YPEL1: variants seen among roughly 807,000 people sequenced by gnomAD.
YPEL1 encodes the protein yippee like 1.
In YPEL1, 7 loss-of-function variants were observed where a neutral mutation model predicts 17.3. The ratio of observed to expected loss-of-function variants is 0.40; its 90% CI spans 0.23 to 0.76. The LOEUF is 0.76. Ranked by LOEUF, YPEL1 falls within the 30% of genes least tolerant of loss-of-function variation. The pLI is 0.35. For missense variants in YPEL1, 91 were observed against 155.5 expected (o/e 0.59, Z 2.21); for synonymous variants, 59 against 59.6 (o/e 0.99, Z 0.05).
At chr22:21,721,127 TG>T (rs369488931) in intron 1 of YPEL1, among the ~76,000 whole-genome samples, 109 of 143,978 alleles carry the variant, frequency 7.6e-4, no homozygotes, top group Non-Finnish European at 1.0e-3. Context: ...TTGGGTTTTT[TG>T]GGGGGGGGAG....
rs543651461 is a variant in YPEL1 at position 21,716,185 on chromosome 22, A to G, written c.-164-5277T>C. 2.0e-4 allele frequency among the ~76,000 whole-genome samples: 31 copies of G among 152,358 alleles called. No individual in the cohort carries two copies. The East Asian group carries it at 5.8e-3, about 28-fold the overall frequency. ...CGGCTTCCCAGAGTGCTGGGATTAC[A>G]GGAGTGAGCCACCGCGCCCAGACTA... On this transcript the variant is annotated intron_variant, in intron 1 of 4. Transcript: ENST00000339468.
intron 1 of YPEL1, among the ~76,000 whole-genome samples, chr22:21,734,696 C>G (rs556788098): frequency 1.3e-5 from 2 of 152,108 alleles, no homozygotes; most frequent in Non-Finnish European, 2.9e-5. Context: ...AAAATGACAT[C>G]AGGATTAAGC....
chr22:21,703,876 G>A lies in YPEL1; in HGVS notation c.124C>T (p.Gln42Ter). 3 of 1,600,430 alleles carry A rather than the reference G, an allele frequency of 1.9e-6. No homozygotes were observed. Among genetic ancestry groups the A allele is most frequent in the Non-Finnish European group, 2.6e-6 (3 of 1,173,614 alleles). The change falls in exon 3 of 5, where the codon CAG (glutamine) becomes TAG (stop). Residue 42 changes from glutamine (Q) to a stop codon, truncating the protein, a stop_gained. Transcript: ENST00000339468. LOFTEE classifies it high-confidence loss of function. The surrounding 1 kb of genome is among the most constrained non-coding windows in gnomAD (Gnocchi z 6.1). ...AGGTAGGCGCGTCCCTGGCTCCCCT[G>A]AAAGGACTGAAAGAAGAAGGTCCCG... ...NHDELISKSF[Q>*]GSQGRAYLFN...
At chr22:21,715,788 A>G (rs1601633251) in intron 1 of YPEL1, among the ~76,000 whole-genome samples, 1 of 81,534 alleles carries the variant, frequency 1.2e-5, no homozygotes, top group African/African-American at 4.1e-5. Context: ...TTTGAGACAG[A>G]GTTTCGCTCT....
chr22:21,710,175 G>A (rs565447249), intron 2 of YPEL1, among the ~76,000 whole-genome samples: 75 of 152,178 alleles, frequency 4.9e-4, no homozygotes, highest in African/African-American at 1.8e-3. Flanking sequence ...TTCACCCAGG[G>A]CTCCTACACA....
intron 1 of YPEL1, among the ~76,000 whole-genome samples, chr22:21,718,567 G>C: frequency 6.6e-6 from 1 of 152,136 alleles, no homozygotes; most frequent in East Asian, 1.9e-4. Flanking sequence ...ACAGACCACA[G>C]GTGGATACAG....
At chr22:21,713,288 G>C (rs550345600) in intron 1 of YPEL1, among the ~76,000 whole-genome samples, 1 of 152,114 alleles carries the variant, frequency 6.6e-6, no homozygotes, top group Non-Finnish European at 1.5e-5. Context: ...CTGAAAACAG[G>C]GTCTCAAAGC....
intron 2 of YPEL1, among the ~76,000 whole-genome samples, chr22:21,709,315 A>T (rs1227677165): frequency 1.3e-5 from 2 of 152,126 alleles, no homozygotes; most frequent in African/African-American, 4.8e-5. Flanking sequence ...TTCTCACCTC[A>T]CACTTCCCAG....
At chr22:21,734,348 T>C (rs1160134707) in intron 1 of YPEL1, among the ~76,000 whole-genome samples, 1 of 152,160 alleles carries the variant, frequency 6.6e-6, no homozygotes, top group Non-Finnish European at 1.5e-5. Flanking sequence ...ACCACAGCAG[T>C]GTAGGATGGG....
chr22:21,726,479 G>A (rs2068336575), intron 1 of YPEL1, among the ~76,000 whole-genome samples: 1 of 152,158 alleles, frequency 6.6e-6, no homozygotes, highest in Non-Finnish European at 1.5e-5. Context: ...CCAGAGCACA[G>A]GTGCTCTCCG....
chr22:21,726,713 G>C (rs2068339172), intron 1 of YPEL1, among the ~76,000 whole-genome samples: 1 of 152,194 alleles, frequency 6.6e-6, no homozygotes, highest in Non-Finnish European at 1.5e-5. Flanking sequence ...CTGTAGCCCA[G>C]CCTGCTGCCC....
At position 21,704,203 on chromosome 22, in the gene YPEL1, T is replaced by A. The variant is rs906613651; in HGVS notation, c.118-321A>T. The A allele has an allele frequency of 1.4e-5, 10 of 716,978 alleles. No individual in the cohort carries two copies. In the Admixed American group the frequency reaches 1.8e-4, roughly 13 times the overall value. 44.4% of individuals were successfully genotyped at this position (716,978 alleles called of 1,614,324 possible). A position where few individuals can be genotyped will look rare whatever the true frequency, so the allele number is the denominator to read the frequency against. ...TCTGGACAACTTTACCTTAGAGGAG[T>A]TCTGAGAGGGGATCACGAATGATTT... On this transcript the variant is annotated intron_variant, in intron 2 of 4. Coordinates refer to ENST00000339468, the MANE Select transcript of YPEL1 (RefSeq NM_013313.5).
intron 2 of YPEL1, among the ~76,000 whole-genome samples, chr22:21,705,200 A>T (rs1569058643): frequency 6.6e-6 from 1 of 152,178 alleles, no homozygotes; most frequent in Non-Finnish European, 1.5e-5. Flanking sequence ...GCTGGTTTCG[A>T]ACTCCTGGAC....
At chr22:21,705,366 G>GGA (rs1381708297) in intron 2 of YPEL1, among the ~76,000 whole-genome samples, 3 of 152,254 alleles carry the variant, frequency 2.0e-5, no homozygotes, top group African/African-American at 7.2e-5. Flanking sequence ...CTCCCACAAA[G>GGA]GAAACCGCAT....
intron 1 of YPEL1, among the ~76,000 whole-genome samples, chr22:21,733,220 C>A (rs1277263535): frequency 6.6e-6 from 1 of 151,928 alleles, no homozygotes; most frequent in Admixed American, 6.6e-5. Flanking sequence ...GAGTTTGAGA[C>A]CAGCCTGGGC....
At chr22:21,705,551 ATG>A (rs1253604379) in intron 2 of YPEL1, among the ~76,000 whole-genome samples, 1 of 152,228 alleles carries the variant, frequency 6.6e-6, no homozygotes, top group Non-Finnish European at 1.5e-5. Context: ...GCTATGAGGA[ATG>A]TGACTGAAAC....
Position 21,700,471 on chromosome 22 carries a change from C to T in YPEL1, c.*658G>A, listed in dbSNP as rs538770370. On this transcript the variant is annotated 3_prime_UTR_variant, in exon 5 of 5. Coordinates refer to ENST00000339468, the MANE Select transcript of YPEL1 (RefSeq NM_013313.5). ...GGATTAAAGGCATGCGCCACCATAC[C>T]CAGCTTTTTTTTTTTTTTTTGAGAC... 3 of 116,166 alleles carry T rather than the reference C, an allele frequency of 2.6e-5. No individual in the cohort carries two copies. The highest frequency in any genetic ancestry group is 3.3e-5 in the African/African-American group (1 of 30,132). The allele number at this position is 116,166 out of a possible 1,614,324, so 7.2% of individuals were successfully genotyped here. A position where few individuals can be genotyped will look rare whatever the true frequency, so the allele number is the denominator to read the frequency against.
rs1205378318 is a variant in YPEL1, at chr22:21,700,139, A to G, written c.*990T>C. 1 of 152,316 alleles carries G rather than the reference A, an allele frequency of 6.6e-6. No individual in the cohort carries two copies. The allele number at this position is 152,316 out of a possible 1,614,324, so 9.4% of individuals were successfully genotyped here. A position where few individuals can be genotyped will look rare whatever the true frequency, so the allele number is the denominator to read the frequency against. On this transcript the variant is annotated 3_prime_UTR_variant, in exon 5 of 5. Coordinates refer to ENST00000339468, the MANE Select transcript of YPEL1 (RefSeq NM_013313.5). ...TGCCTCTGGAAGATTCTTAAATAACACTGTACTTTAAGGGTTCATTTGCAA... is the reference window on the plus strand; with the variant it reads ...TGCCTCTGGAAGATTCTTAAATAACGCTGTACTTTAAGGGTTCATTTGCAA...
chr22:21,724,753 G>C (rs561300791), intron 1 of YPEL1, among the ~76,000 whole-genome samples: 2 of 149,438 alleles, frequency 1.3e-5, no homozygotes, highest in Non-Finnish European at 3.0e-5. Flanking sequence ...GTTCATTTCT[G>C]TATTTTTTGT....
Sources: gnomAD v4.1 joint callset for allele counts (sites outside exome capture counted in the v4.1 genomes callset) on GRCh38, gnomAD v4.1.1 for gene constraint, Gnocchi (gnomAD v3.1) non-coding constraint, MANE v1.5 for transcripts, NCBI Gene and HGNC (gene_info 2026-07-23, HGNC 2026-07-21) for gene names.